Variants in PDSS2 observed in about 807,000 individuals in gnomAD.
PDSS2 encodes the protein all trans-polyprenyl-diphosphate synthase PDSS2.
PDSS2 carries 31 observed loss-of-function variants against 44.5 expected under a neutral mutation model. The ratio of observed to expected loss-of-function variants is 0.70; its 90% CI spans 0.52 to 0.94. The LOEUF is 0.94. Among genes scored for constraint, PDSS2 ranks in the 40% least tolerant of loss-of-function variants. PDSS2 has a pLI of 0.00. For missense variants in PDSS2, 452 were observed against 482.2 expected, an observed-to-expected ratio of 0.94 and a Z score of 0.59; for synonymous variants, 157 against 180.3, an observed-to-expected ratio of 0.87 and a Z score of 1.03.
chr6:107,332,954 T>C (rs1447187701), intron 2 of PDSS2, among the ~76,000 whole-genome samples: 4 of 152,172 alleles, frequency 2.6e-5, no homozygotes, highest in Non-Finnish European at 2.9e-5. Flanking sequence ...GAATGGGCAT[T>C]TGTAGTCACA....
rs527886977 is a variant in PDSS2, at chr6:107,255,324, C to T, written c.631-9705G>A. Among the ~76,000 whole-genome samples, 17 of 151,634 alleles carry T rather than the reference C, an allele frequency of 1.1e-4. No individual in the cohort carries two copies. In the East Asian group the frequency reaches 3.1e-3, roughly 28 times the overall value. On this transcript the variant is annotated intron_variant, in intron 3 of 7. Coordinates refer to ENST00000369037, the MANE Select transcript of PDSS2 (RefSeq NM_020381.4). ...TCTCCTGCCTCAGCCTCCCAAGTAG[C>T]TGGGATTACAGGCGTCTGCTACCAC...
intron 1 of PDSS2, among the ~76,000 whole-genome samples, chr6:107,420,466 T>C (rs1371822282): frequency 1.3e-5 from 2 of 152,180 alleles, no homozygotes. Context: ...CAGTATAGTA[T>C]TGGCAGAAGA....
chr6:107,219,354 C>G (rs1361574044), intron 4 of PDSS2, among the ~76,000 whole-genome samples: 5 of 152,132 alleles, frequency 3.3e-5, no homozygotes, highest in Non-Finnish European at 7.3e-5. Flanking sequence ...GTGGCGCAAT[C>G]TCGGCTCACT....
intron 3 of PDSS2, among the ~76,000 whole-genome samples, chr6:107,271,122 C>T (rs1775584575): frequency 6.6e-6 from 1 of 152,206 alleles, no homozygotes. Flanking sequence ...CCTGACACTT[C>T]TTCAGCAGAC....
chr6:107,195,839 C>T (rs957120859), intron 6 of PDSS2, among the ~76,000 whole-genome samples: 3 of 152,146 alleles, frequency 2.0e-5, no homozygotes, highest in Non-Finnish European at 4.4e-5. Flanking sequence ...GGATTACAGG[C>T]GTGAGCCACT....
intron 1 of PDSS2, among the ~76,000 whole-genome samples, chr6:107,421,967 G>A (rs1448515508): frequency 6.6e-6 from 1 of 151,376 alleles, no homozygotes; most frequent in African/African-American, 2.4e-5. Flanking sequence ...GGGGAAAGCT[G>A]GATGATGGCT....
chr6:107,442,337 A>G (rs1440198571), intron 1 of PDSS2, among the ~76,000 whole-genome samples: 1 of 152,182 alleles, frequency 6.6e-6, no homozygotes, highest in Non-Finnish European at 1.5e-5. Flanking sequence ...GAATCACTCG[A>G]ATCCAGGAGG....
At chr6:107,173,113 ACT>A (rs1562351637) in intron 7 of PDSS2, among the ~76,000 whole-genome samples, 2 of 124,026 alleles carry the variant, frequency 1.6e-5, no homozygotes, top group African/African-American at 3.0e-5. Flanking sequence ...ACAGAGCGAG[ACT>A]CTGTCTCAAA....
At chr6:107,366,304 A>T (rs1484883256) in intron 1 of PDSS2, among the ~76,000 whole-genome samples, 1 of 152,154 alleles carries the variant, frequency 6.6e-6, no homozygotes, top group East Asian at 1.9e-4. Context: ...GAAATCATTT[A>T]AAAAATTTTA....
intron 1 of PDSS2, among the ~76,000 whole-genome samples, chr6:107,360,992 T>C (rs1419789918): frequency 1.3e-5 from 2 of 152,180 alleles, no homozygotes. Flanking sequence ...TATTTTTAGT[T>C]GGAAAAAACT....
intron 1 of PDSS2, among the ~76,000 whole-genome samples, chr6:107,344,782 T>C (rs762850308): frequency 2.0e-5 from 3 of 152,086 alleles, no homozygotes; most frequent in Non-Finnish European, 1.5e-5. Flanking sequence ...AAAAGAAGTA[T>C]AAAATGTCGT....
At chr6:107,314,029 G>A (rs1485463026) in intron 2 of PDSS2, among the ~76,000 whole-genome samples, 5 of 152,054 alleles carry the variant, frequency 3.3e-5, no homozygotes, top group Non-Finnish European at 7.4e-5. Context: ...AGGGAGGCTG[G>A]GGTAGGAGGA....
chr6:107,152,817 C>T lies in PDSS2; in HGVS notation c.*1802G>A, dbSNP rs549157559. The T allele has an allele frequency of 5.9e-5, 9 of 152,260 alleles. No individual in the cohort carries two copies. In the East Asian group the frequency reaches 7.7e-4, roughly 13 times the overall value. 9.4% of individuals were successfully genotyped at this position (152,260 alleles called of 1,614,324 possible). On this transcript the variant is annotated 3_prime_UTR_variant, in exon 8 of 8. Coordinates refer to ENST00000369037, the MANE Select transcript of PDSS2 (RefSeq NM_020381.4). ...CTGCACATCCAACCAGCACACCTAA[C>T]GCAAAGTATGACTTCTTTGTGGAAG...
chr6:107,195,260 T>G (rs1168894834), intron 6 of PDSS2, among the ~76,000 whole-genome samples: 2 of 152,002 alleles, frequency 1.3e-5, no homozygotes, highest in Admixed American at 1.3e-4. Flanking sequence ...GCAAGAGGAT[T>G]GTTTGAGCCC....
chr6:107,411,032 G>C (rs1171774030), intron 1 of PDSS2, among the ~76,000 whole-genome samples: 1 of 151,898 alleles, frequency 6.6e-6, no homozygotes, highest in Non-Finnish European at 1.5e-5. Flanking sequence ...TTACAGGCAC[G>C]TGCTACCATG....
In PDSS2 at chr6:107,312,658, A is replaced by C. The variant is rs1777079611; in HGVS notation, c.431+21540T>G. ...TAGCTATTAGCTAGCATTACCTAACAAGATTAAAAATCTATGCTTCATGGA... is the reference window on the plus strand; with the variant it reads ...TAGCTATTAGCTAGCATTACCTAACCAGATTAAAAATCTATGCTTCATGGA... On this transcript the variant is annotated intron_variant, in intron 2 of 7. Coordinates refer to ENST00000369037, the MANE Select transcript of PDSS2 (RefSeq NM_020381.4). Among the ~76,000 whole-genome samples the C allele has an allele frequency of 5.3e-5, 8 of 152,214 alleles. No individual in the cohort carries two copies. The South Asian group carries it at 1.7e-3, about 32-fold the overall frequency.
chr6:107,318,440 T>C (rs947752055), intron 2 of PDSS2, among the ~76,000 whole-genome samples: 1 of 152,114 alleles, frequency 6.6e-6, no homozygotes, highest in African/African-American at 2.4e-5. Context: ...GAACAAATTG[T>C]TTTATTCAAT....
chr6:107,307,937 T>C (rs962924056), intron 2 of PDSS2, among the ~76,000 whole-genome samples: 13 of 152,298 alleles, frequency 8.5e-5, no homozygotes, highest in South Asian at 4.1e-4. Context: ...TTGAAGATAG[T>C]AAGGCTATAA....
At chr6:107,241,576 G>A (rs1774435269) in intron 4 of PDSS2, among the ~76,000 whole-genome samples, 2 of 152,062 alleles carry the variant, frequency 1.3e-5, no homozygotes, top group Non-Finnish European at 2.9e-5. Context: ...TCGATCTCCT[G>A]ACCTCGTGAT....
Sources: allele counts gnomAD v4.1 joint callset (sites outside exome capture counted in the v4.1 genomes callset), GRCh38; gene constraint gnomAD v4.1.1; transcripts MANE v1.5; gene names NCBI Gene and HGNC (gene_info 2026-07-23, HGNC 2026-07-21).